FCGRT: variants seen among roughly 807,000 people sequenced by gnomAD.
FCGRT encodes Fc gamma receptor and transporter.
A neutral mutation model predicts 35.7 loss-of-function variants in FCGRT; 13 were observed. That is an observed-to-expected ratio of 0.36 (90% CI 0.24 to 0.58). The LOEUF is 0.58. Ranked by LOEUF, FCGRT falls within the 20% of genes least tolerant of loss-of-function variation. FCGRT has a pLI of 0.77. For synonymous variants in FCGRT, 233 were observed against 216.5 expected (o/e 1.08, Z -0.67); for missense variants, 455 against 474.9 (o/e 0.96, Z 0.39).
At chr19:49,525,098 T>C (rs1366061279) in intron 5 of FCGRT, 2 of 556,264 alleles carry the variant, frequency 3.6e-6, no homozygotes, top group African/African-American at 3.7e-5. Flanking sequence ...ATCTGACCAT[T>C]CGTTGTCTGC....
At chr19:49,513,562 G>A in intron 2 of FCGRT, 89 bp downstream of exon 2, 6 of 728,126 alleles carry the variant, frequency 8.2e-6, no homozygotes, top group Non-Finnish European at 1.1e-5. Flanking sequence ...CGGGACCCGA[G>A]TTCCCCGCGA....
intron 4 of FCGRT, among the ~76,000 whole-genome samples, chr19:49,523,430 G>A (rs890380860): frequency 6.6e-6 from 1 of 152,006 alleles, no homozygotes; most frequent in Non-Finnish European, 1.5e-5. Flanking sequence ...ACCCGGCATG[G>A]TGGTGCATGC....
chr19:49,513,452 C>T lies in FCGRT; in HGVS notation c.52C>T (p.Leu18Phe), dbSNP rs748687030. The T allele has an allele frequency of 3.5e-5, 44 of 1,244,894 alleles. No homozygotes were observed. Among genetic ancestry groups the T allele is most frequent in the Non-Finnish European group, 4.4e-5 (43 of 988,280 alleles). The allele number at this position is 1,244,894 out of a possible 1,614,324, so 77.1% of individuals were successfully genotyped here. ...GGCGCTGGGGCTCCTGCTCTTTCTC[C>T]TTCCTGGGAGCCTGGGCGCAGGTGA... is the stretch of plus-strand genomic sequence containing the variant. ...PWALGLLLFL[L>F]PGSLGAESHL... Residue 18 changes from leucine (L) to phenylalanine (F), a missense_variant, in exon 2 of 7, where the codon CTT (leucine) becomes TTT (phenylalanine). By Grantham distance (22) the Leu-to-Phe change is conservative (BLOSUM62 0). Coordinates refer to ENST00000221466, the MANE Select transcript of FCGRT (RefSeq NM_001136019.3).
rs1414479199 is a variant in FCGRT, at chr19:49,526,336, A to G, written c.*217A>G. ...TATAACACGAGTTTGGGCCCGAATC[A>G]GTGTGTTCTCATCATTTTTCAGGCA... On this transcript the variant is annotated 3_prime_UTR_variant, in exon 7 of 7. Transcript: ENST00000221466. 2.5e-5 allele frequency: 14 copies of G among 557,792 alleles called. No homozygotes were observed. Among genetic ancestry groups the G allele is most frequent in the Non-Finnish European group, 4.2e-5 (13 of 312,884 alleles). 34.6% of individuals were successfully genotyped at this position (557,792 alleles called of 1,614,324 possible). A position where few individuals can be genotyped will look rare whatever the true frequency, so the allele number is the denominator to read the frequency against.
intron 4 of FCGRT, among the ~76,000 whole-genome samples, chr19:49,523,859 C>CAA (rs575904413): frequency 0.019 from 2,015 of 108,654 alleles, 39 homozygotes; most frequent in East Asian, 0.075. Flanking sequence ...GATTCCATCT[C>CAA]AAAAAAAAAA....
rs562834646 is a variant in FCGRT, at chr19:49,526,246, G to C, written c.*127G>C. ...TGGGCCTAGTTGTCCTCCCTCTGGA[G>C]CCCCGTCCTGTGGTCTGCCTCAGTT... On this transcript the variant is annotated 3_prime_UTR_variant, in exon 7 of 7. Coordinates refer to ENST00000221466, the MANE Select transcript of FCGRT (RefSeq NM_001136019.3). 8.3e-5 allele frequency: 55 copies of C among 661,586 alleles called. No individual in the cohort carries two copies. The highest frequency in any genetic ancestry group is 8.9e-5 in the Non-Finnish European group (33 of 372,656). 41.0% of individuals were successfully genotyped at this position (661,586 alleles called of 1,614,324 possible).
At chr19:49,524,927 A>G in intron 5 of FCGRT, 151 bp downstream of exon 5, 1 of 800,352 alleles carries the variant, frequency 1.2e-6, no homozygotes, top group Non-Finnish European at 2.1e-6. Context: ...TGCCCCCAAA[A>G]CCTGATGGCT....
intron 4 of FCGRT, among the ~76,000 whole-genome samples, chr19:49,524,042 G>A (rs1289030577): frequency 2.7e-5 from 4 of 147,728 alleles, no homozygotes; most frequent in African/African-American, 5.0e-5. Context: ...TTTCTGAGAC[G>A]GGGTCTCACT....
At chr19:49,525,704 G>T (rs2080071441) in intron 6 of FCGRT, 131 bp downstream of exon 6, 1 of 694,798 alleles carries the variant, frequency 1.4e-6, no homozygotes, top group African/African-American at 1.8e-5. Context: ...CAGAAACCCA[G>T]AGATGGGAGA....
At chr19:49,520,761 G>A (rs1434557846) in intron 4 of FCGRT, 1 of 152,266 alleles carries the variant, frequency 6.6e-6, no homozygotes, top group East Asian at 1.9e-4. Flanking sequence ...CACGACACAG[G>A]AAGATACAGA....
Position 49,525,795 on chromosome 19 carries a change from C to T in FCGRT, c.989-215C>T, listed in dbSNP as rs138024744. On this transcript the variant is annotated intron_variant, in intron 6 of 6. Coordinates refer to ENST00000221466, the MANE Select transcript of FCGRT (RefSeq NM_001136019.3). ...GACCCAGAGGGGACAGAGAGAGGTG[C>T]GGACAGAGGGAGGGGGAGACAGACC... Among the ~76,000 whole-genome samples, 1,345 of 143,698 alleles carry T rather than the reference C, an allele frequency of 9.4e-3. 21 individuals carry two copies. The highest frequency in any genetic ancestry group is 0.033 in the African/African-American group (1,278 of 38,272). 94.3% of individuals were successfully genotyped at this position (143,698 alleles called of 152,430 possible). A position where few individuals can be genotyped will look rare whatever the true frequency, so the allele number is the denominator to read the frequency against.
chr19:49,524,732 T>C lies in FCGRT; in HGVS notation c.827T>C (p.Ile276Thr). ...KSGDEHHYCC[I>T]VQHAGLAQPL... ...GGCGATGAGCACCACTACTGCTGCA[T>C]TGTGCAGCACGCGGGGCTGGCGCAG... is the stretch of plus-strand genomic sequence containing the variant. Residue 276 changes from isoleucine to threonine, a missense_variant, in exon 5 of 7, where the codon ATT becomes ACT. Physicochemically the swap from Ile to Thr is moderately conservative, Grantham distance 89. Coordinates refer to ENST00000221466, the MANE Select transcript of FCGRT (RefSeq NM_001136019.3). The C allele has an allele frequency of 1.2e-6, 2 of 1,601,316 alleles. No individual in the cohort carries two copies. Among genetic ancestry groups the C allele is most frequent in the Non-Finnish European group, 1.7e-6 (2 of 1,179,242 alleles).
chr19:49,526,269 G>T lies in FCGRT; in HGVS notation c.*150G>T. ...GAGCCCCGTCCTGTGGTCTGCCTCA[G>T]TTTCCCCTCCTAATACATATGGCTG... On this transcript the variant is annotated 3_prime_UTR_variant, in exon 7 of 7. Coordinates refer to ENST00000221466, the MANE Select transcript of FCGRT (RefSeq NM_001136019.3). 1.6e-6 allele frequency: 1 copy of T among 620,142 alleles called. No individual in the cohort carries two copies. Among genetic ancestry groups the T allele is most frequent in the Non-Finnish European group, 2.9e-6 (1 of 347,730 alleles). 38.4% of individuals were successfully genotyped at this position (620,142 alleles called of 1,614,324 possible). A position where few individuals can be genotyped will look rare whatever the true frequency, so the allele number is the denominator to read the frequency against.
At chr19:49,525,067 G>A in intron 5 of FCGRT, 1 of 597,276 alleles carries the variant, frequency 1.7e-6, no homozygotes. Context: ...TGCTGCTGCT[G>A]CTGCTGCGGG....
At chr19:49,525,283 C>A in intron 5 of FCGRT, 174 bp from the exon 6 acceptor site, 5 of 643,396 alleles carry the variant, frequency 7.8e-6, no homozygotes, top group Middle Eastern at 4.1e-4. Flanking sequence ...CTGGTTCTTA[C>A]GTCCAACCTG....
rs761777508 is a variant in FCGRT at position 49,514,123 on chromosome 19, G to T, written c.315G>T (p.Leu105Phe). 4.3e-6 allele frequency: 7 copies of T among 1,612,674 alleles called. No individual in the cohort carries two copies. In the Admixed American group the frequency reaches 5.0e-5, roughly 12 times the overall value. ...EKLFLEAFKA[L>F]GGKGPYTLQG... ...TCTTTCTGGAAGCTTTCAAAGCTTT[G>T]GGGGGAAAAGGTGAGATTCCGGTCT... Residue 105 changes from leucine to phenylalanine, a missense_variant, in exon 3 of 7, where the codon TTG becomes TTT. Physicochemically the swap from Leu to Phe is conservative, Grantham distance 22. This residue lies in a region of FCGRT where 136 missense variants were observed against 158.9 expected (regional missense o/e 0.86). Transcript: ENST00000221466.
intron 2 of FCGRT, 164 bp from the exon 3 acceptor site, chr19:49,513,714 GTCTC>G (rs139316391): frequency 1.1e-5 from 6 of 532,250 alleles, no homozygotes; most frequent in East Asian, 6.1e-5. Flanking sequence ...TGGGTCTCTT[GTCTC>G]TCTCTCTCTG....
Position 49,525,447 on chromosome 19 carries a change from C to G in FCGRT, c.872-10C>G. On this transcript the variant is annotated splice_polypyrimidine_tract_variant and intron_variant, in intron 5 of 6. Transcript: ENST00000221466. ...GCTGCTCCACATCTCACAGCGTTCT[C>G]TGGCTGCAGAATCTCCAGCCAAGTC... 6.2e-7 allele frequency: 1 copy of G among 1,603,410 alleles called. No homozygotes were observed. Among genetic ancestry groups the G allele is most frequent in the Non-Finnish European group, 8.5e-7 (1 of 1,170,518 alleles).
intron 4 of FCGRT, chr19:49,521,212 C>G (rs1601195269): frequency 6.6e-6 from 1 of 152,194 alleles, no homozygotes; most frequent in Admixed American, 6.6e-5. Context: ...GTACACGTCA[C>G]CATGCCTGGC....
Sources: gnomAD v4.1 joint callset for allele counts (sites outside exome capture counted in the v4.1 genomes callset) on GRCh38, gnomAD v4.1.1 for gene constraint, gnomAD v4.1.1 regional missense constraint, MANE v1.5 for transcripts, NCBI Gene and HGNC (gene_info 2026-07-23, HGNC 2026-07-21) for gene names.